Variants in RYR2 observed in about 807,000 individuals in gnomAD.
RYR2 encodes the protein cardiac muscle ryanodine receptor-calcium release channel.
RYR2 carries 227 observed loss-of-function variants against 601.1 expected under a neutral mutation model. The observed-to-expected ratio is 0.38, with a 90% CI of 0.34 to 0.42. RYR2 has a LOEUF of 0.42. Among genes scored for constraint, RYR2 ranks in the 10% least tolerant of loss-of-function variants. The pLI, the probability that RYR2 is intolerant of heterozygous loss-of-function variation, is 1.00. For synonymous variants in RYR2, 2,223 were observed against 2,175.1 expected, an observed-to-expected ratio of 1.02 and a Z score of -0.61; for missense variants, 4,646 against 6,156.5, an observed-to-expected ratio of 0.75 and a Z score of 8.21.
chr1:237,109,730 A>T lies in RYR2; in HGVS notation c.48+67161A>T, dbSNP rs568324490. 4.3e-3 allele frequency among the ~76,000 whole-genome samples: 406 copies of T among 94,858 alleles called. 1 individual carries two copies. The highest frequency in any genetic ancestry group is 0.013 in the African/African-American group (385 of 29,456). 62.2% of individuals were successfully genotyped at this position (94,858 alleles called of 152,430 possible). On this transcript the variant is annotated intron_variant, in intron 1 of 104. Coordinates refer to ENST00000366574, the MANE Select transcript of RYR2 (RefSeq NM_001035.3). Reference sequence around the variant, plus strand: ...GAGCGAGACTCCGTCTCAAAAAAAAAAATAATAATAATAATTTCCTGGGAT... The same window carrying T: ...GAGCGAGACTCCGTCTCAAAAAAAATAATAATAATAATAATTTCCTGGGAT...
chr1:237,681,118 G>A (rs1384668509), intron 62 of RYR2, among the ~76,000 whole-genome samples: 1 of 152,218 alleles, frequency 6.6e-6, no homozygotes, highest in East Asian at 1.9e-4. Context: ...GATTCTGCTG[G>A]GGATATCAGG....
chr1:237,608,518 T>C (rs991357903), intron 35 of RYR2, among the ~76,000 whole-genome samples: 4 of 152,028 alleles, frequency 2.6e-5, no homozygotes, highest in Non-Finnish European at 4.4e-5. Flanking sequence ...GGCAACATAG[T>C]GAGACCCCAT....
chr1:237,379,653 A>G (rs1312670763), intron 8 of RYR2, among the ~76,000 whole-genome samples: 2 of 152,156 alleles, frequency 1.3e-5, no homozygotes, highest in South Asian at 2.1e-4. Context: ...TTTTTGAGAC[A>G]GGATCTTGCC....
chr1:237,335,054 C>T (rs988560603), intron 3 of RYR2, among the ~76,000 whole-genome samples: 4 of 152,156 alleles, frequency 2.6e-5, no homozygotes, highest in Non-Finnish European at 5.9e-5. Flanking sequence ...TTTCTCTGGG[C>T]TTGATGGCTT....
chr1:237,261,769 T>C (rs959867784), intron 1 of RYR2, among the ~76,000 whole-genome samples: 29 of 152,200 alleles, frequency 1.9e-4, no homozygotes, highest in African/African-American at 6.5e-4. Flanking sequence ...CTCCTTAAAG[T>C]CTTTGCTCAA....
chr1:237,485,159 T>C (rs552548561), intron 17 of RYR2, among the ~76,000 whole-genome samples: 1 of 152,322 alleles, frequency 6.6e-6, no homozygotes, highest in Admixed American at 6.5e-5. Flanking sequence ...TTTTCTACAT[T>C]TAAAATAATA....
chr1:237,127,874 G>T (rs1423111040), intron 1 of RYR2, among the ~76,000 whole-genome samples: 1 of 151,392 alleles, frequency 6.6e-6, no homozygotes, highest in Non-Finnish European at 1.5e-5. Flanking sequence ...GATGGCGGCC[G>T]GGCGGAGACG....
chr1:237,772,554 C>T (rs1029238170), intron 86 of RYR2, among the ~76,000 whole-genome samples: 1 of 152,076 alleles, frequency 6.6e-6, no homozygotes, highest in Admixed American at 6.6e-5. Context: ...ATTTTCACAC[C>T]ACATTGCTTA....
intron 1 of RYR2, among the ~76,000 whole-genome samples, chr1:237,266,811 C>A (rs987780022): frequency 6.6e-6 from 1 of 151,682 alleles, no homozygotes; most frequent in Non-Finnish European, 1.5e-5. Context: ...TGAACTGAAC[C>A]ATGATTGAAA....
chr1:237,245,933 C>A (rs1447250764), intron 1 of RYR2, among the ~76,000 whole-genome samples: 1 of 151,730 alleles, frequency 6.6e-6, no homozygotes, highest in East Asian at 1.9e-4. Flanking sequence ...AGGTTCCCAC[C>A]ACTACACCCA....
At chr1:237,415,203 T>G (rs1007808207) in intron 10 of RYR2, among the ~76,000 whole-genome samples, 1 of 149,558 alleles carries the variant, frequency 6.7e-6, no homozygotes, top group East Asian at 2.0e-4. Context: ...AGCGAGAGAG[T>G]TTTTTAAAGT....
At chr1:237,263,697 A>G (rs141097233) in intron 1 of RYR2, among the ~76,000 whole-genome samples, 88 of 152,196 alleles carry the variant, frequency 5.8e-4, no homozygotes, top group African/African-American at 2.0e-3. Context: ...CCCTCTAAAT[A>G]CCACCCCCTT....
Position 237,732,745 on chromosome 1 carries a change from A to G in RYR2, c.11039+596A>G, listed in dbSNP as rs16835668. Among the ~76,000 whole-genome samples, 1,274 of 152,330 alleles carry G rather than the reference A, an allele frequency of 8.4e-3. 21 individuals carry two copies. Among genetic ancestry groups the G allele is most frequent in the African/African-American group, 0.029 (1,215 of 41,574 alleles). On this transcript the variant is annotated intron_variant, in intron 78 of 104. Coordinates refer to ENST00000366574, the MANE Select transcript of RYR2 (RefSeq NM_001035.3). ...TAGGCCTGATCGTCAAAATGTGCTC[A>G]GCATCTGTCATTACGGAGGGCAATG...
Position 237,654,291 on chromosome 1 carries a change from T to C in RYR2, c.7842T>C (p.Tyr2614=). 3 of 1,613,916 alleles carry C rather than the reference T, an allele frequency of 1.9e-6. No individual in the cohort carries two copies. The highest frequency in any genetic ancestry group is 2.5e-6 in the Non-Finnish European group (3 of 1,179,844). Reference sequence around the variant, plus strand: ...CCACATAGCTGCTGACAAATCATTATGAAAGATGCTGGAAATATTACTGCC... The same window carrying C: ...CCACATAGCTGCTGACAAATCATTACGAAAGATGCTGGAAATATTACTGCC... ...KMPLKLLTNH[Y]ERCWKYYCLP... The change falls in exon 52 of 105, where the codon TAT becomes TAC. Residue 2614 remains tyrosine, a synonymous_variant. Transcript: ENST00000366574.
At chr1:237,509,211 A>G (rs969148133) in intron 23 of RYR2, among the ~76,000 whole-genome samples, 1 of 152,046 alleles carries the variant, frequency 6.6e-6, no homozygotes, top group Admixed American at 6.5e-5. Context: ...TAGCACCCGC[A>G]CCTTTCCTGG....
intron 1 of RYR2, among the ~76,000 whole-genome samples, chr1:237,241,284 A>C (rs1310098640): frequency 1.3e-5 from 2 of 152,240 alleles, no homozygotes; most frequent in Non-Finnish European, 2.9e-5. Flanking sequence ...ATGTTGAAAC[A>C]TGATAAAACG....
rs1243523174 is a variant in RYR2 at position 237,795,848 on chromosome 1, ATGTATATG to A, written c.13956+519_13956+526del. On this transcript the variant is annotated intron_variant, in intron 96 of 104. Coordinates refer to ENST00000366574, the MANE Select transcript of RYR2 (RefSeq NM_001035.3). ...TATGTGTGTGTGTGTATATATATAT[ATGTATATG>A]TATATATATATATATATACACATAT... 2.0e-3 allele frequency among the ~76,000 whole-genome samples: 237 copies of A among 118,088 alleles called. 1 individual carries two copies. Among genetic ancestry groups the A allele is most frequent in the South Asian group, 0.014 (55 of 3,888 alleles). 77.5% of individuals were successfully genotyped at this position (118,088 alleles called of 152,430 possible).
chr1:237,778,442 T>C (rs1694835706), intron 87 of RYR2, among the ~76,000 whole-genome samples: 1 of 151,778 alleles, frequency 6.6e-6, no homozygotes, highest in Admixed American at 6.6e-5. Context: ...CTTGAGAAAC[T>C]TTTTTTGGAA....
At chr1:237,187,616 T>A (rs1679514720) in intron 1 of RYR2, among the ~76,000 whole-genome samples, 1 of 151,708 alleles carries the variant, frequency 6.6e-6, no homozygotes, top group Non-Finnish European at 1.5e-5. Flanking sequence ...GCTAATTTTT[T>A]AATTCTTTGT....
Sources: allele counts gnomAD v4.1 joint callset (sites outside exome capture counted in the v4.1 genomes callset), GRCh38; gene constraint gnomAD v4.1.1; transcripts MANE v1.5; gene names NCBI Gene and HGNC (gene_info 2026-07-23, HGNC 2026-07-21).